The following TGM3 variants were observed in gnomAD, a reference collection of about 807,000 sequenced individuals.
TGM3 encodes the protein transglutaminase 3, also known as protein-glutamine gamma-glutamyltransferase E.
TGM3 carries 52 observed loss-of-function variants against 73.8 expected under a neutral mutation model. The observed-to-expected ratio is 0.70, with a 90% confidence interval of 0.56 to 0.89. The LOEUF is 0.89. Among genes scored for constraint, TGM3 ranks in the 40% least tolerant of loss-of-function variants. TGM3 has a pLI of 0.00. For missense variants in TGM3, 928 were observed against 909.9 expected, an observed-to-expected ratio of 1.02 and a Z score of -0.26; for synonymous variants, 372 against 354.9, an observed-to-expected ratio of 1.05 and a Z score of -0.54.
intron 2 of TGM3, 40 bp downstream of exon 2, chr20:2,309,870 C>A (rs756285055): frequency 3.7e-6 from 6 of 1,611,630 alleles, no homozygotes; most frequent in African/African-American, 1.3e-5. Context: ...CACACACATA[C>A]TTGAGTAGCC....
At chr20:2,315,032 G>C (rs2084225884) in intron 5 of TGM3, among the ~76,000 whole-genome samples, 1 of 152,182 alleles carries the variant, frequency 6.6e-6, no homozygotes, top group Non-Finnish European at 1.5e-5. Context: ...TAGTAGCCGA[G>C]GGAGAGTATG....
chr20:2,312,354 A>G (rs961632850), intron 4 of TGM3, among the ~76,000 whole-genome samples: 11 of 131,654 alleles, frequency 8.4e-5, no homozygotes, highest in South Asian at 2.7e-4. Context: ...CCGAGATCAT[A>G]CCACTGCACT....
intron 4 of TGM3, among the ~76,000 whole-genome samples, chr20:2,312,396 CAA>C (rs57369938): frequency 0.11 from 6,651 of 59,974 alleles, 327 homozygotes; most frequent in African/African-American, 0.38. Flanking sequence ...GACTCCGTCT[CAA>C]AAAAAAAAAA....
At position 2,305,859 on chromosome 20, in the gene TGM3, G is replaced by A. The variant is rs549973460; in HGVS notation, c.8-3798G>A. Among the ~76,000 whole-genome samples, 6 of 152,322 alleles carry A rather than the reference G, an allele frequency of 3.9e-5. No individual in the cohort carries two copies. The South Asian group carries it at 1.2e-3, about 32-fold the overall frequency. ...GACGTCTACAAGTGCCTGCCTTATG[G>A]AGTTAATGAGCTAATGCACGTAAAC... On this transcript the variant is annotated intron_variant, in intron 1 of 12. Transcript: ENST00000381458.
At chr20:2,329,355 G>A (rs1468856198) in intron 9 of TGM3, among the ~76,000 whole-genome samples, 1 of 152,208 alleles carries the variant, frequency 6.6e-6, no homozygotes, top group Non-Finnish European at 1.5e-5. Context: ...TCAAGTCCAA[G>A]TGGGTGCCCC....
intron 9 of TGM3, 84 bp from the exon 10 acceptor site, chr20:2,331,918 G>A: frequency 6.7e-7 from 1 of 1,484,542 alleles, no homozygotes; most frequent in Admixed American, 2.2e-5. Flanking sequence ...ACCAGTCCTA[G>A]GCCGCCTGTC....
chr20:2,306,190 C>T (rs541059825), intron 1 of TGM3, among the ~76,000 whole-genome samples: 2 of 152,184 alleles, frequency 1.3e-5, no homozygotes, highest in African/African-American at 2.4e-5. Flanking sequence ...GAGGCAGGTG[C>T]CAGCAAGAGA....
intron 3 of TGM3, 133 bp from the exon 4 acceptor site, chr20:2,310,878 A>C: frequency 1.4e-6 from 1 of 740,418 alleles, no homozygotes; most frequent in Non-Finnish European, 2.4e-6. Context: ...TTACAGCCCA[A>C]GGGTCAGGGG....
chr20:2,322,193 A>T (rs1458865322), intron 7 of TGM3, among the ~76,000 whole-genome samples: 1 of 152,150 alleles, frequency 6.6e-6, no homozygotes, highest in Non-Finnish European at 1.5e-5. Flanking sequence ...AAAAATAATT[A>T]TAAAAAAATT....
rs2084377201 is a variant in TGM3 at position 2,340,711 on chromosome 20, A to G, written c.*130A>G. 9 of 1,262,056 alleles carry G rather than the reference A, an allele frequency of 7.1e-6. No individual in the cohort carries two copies. The highest frequency in any genetic ancestry group is 9.0e-6 in the Non-Finnish European group (8 of 893,334). 78.2% of individuals were successfully genotyped at this position (1,262,056 alleles called of 1,614,324 possible). A position where few individuals can be genotyped will look rare whatever the true frequency, so the allele number is the denominator to read the frequency against. The stretch of plus-strand genomic sequence containing the variant: ...CATCTCCCAAGGCTGCCAGACATGG[A>G]CCTCCAGGCTCCAGCACATCCCCCT... On this transcript the variant is annotated 3_prime_UTR_variant, in exon 13 of 13. Transcript: ENST00000381458.
chr20:2,299,760 A>G (rs1408264575), intron 1 of TGM3, among the ~76,000 whole-genome samples: 2 of 152,180 alleles, frequency 1.3e-5, no homozygotes, highest in Non-Finnish European at 1.5e-5. Context: ...TAAGGTAGTG[A>G]GGTCTCAGTC....
At chr20:2,316,888 C>T (rs1288163441) in intron 5 of TGM3, among the ~76,000 whole-genome samples, 180 bp from the exon 6 acceptor site, 1 of 152,140 alleles carries the variant, frequency 6.6e-6, no homozygotes, top group African/African-American at 2.4e-5. Flanking sequence ...CACTCCATAC[C>T]CCTAAGGGTT....
chr20:2,336,999 C>T (rs2084354387), intron 11 of TGM3, among the ~76,000 whole-genome samples: 1 of 152,132 alleles, frequency 6.6e-6, no homozygotes, highest in Admixed American at 6.5e-5. Flanking sequence ...AGGCATTTGT[C>T]CCAGCTGGAA....
intron 2 of TGM3, 45 bp downstream of exon 2, chr20:2,309,875 G>C: frequency 6.2e-7 from 1 of 1,609,886 alleles, no homozygotes; most frequent in South Asian, 1.1e-5. Context: ...ACATACTTGA[G>C]TAGCCCTTGT....
At position 2,331,175 on chromosome 20, in the gene TGM3, C is replaced by G. The variant is rs1330705393; in HGVS notation, c.1334-827C>G. 5.3e-5 allele frequency among the ~76,000 whole-genome samples: 8 copies of G among 152,062 alleles called. 1 individual carries two copies. Among genetic ancestry groups the G allele is most frequent in the Admixed American group, 5.2e-4 (8 of 15,262 alleles). On this transcript the variant is annotated intron_variant, in intron 9 of 12. Transcript: ENST00000381458. ...TTGTGTACCTGTGTTCCTGGAAGGT[C>G]AACACCTTCTCCTAGATCTATCTTC... is the stretch of plus-strand genomic sequence containing the variant.
intron 1 of TGM3, 102 bp downstream of exon 1, chr20:2,296,172 C>T: frequency 7.0e-7 from 1 of 1,426,736 alleles, no homozygotes; most frequent in African/African-American, 1.4e-5. Flanking sequence ...AGCTGCCTGC[C>T]TTGGGGGCTC....
At chr20:2,298,443 C>G (rs2084123085) in intron 1 of TGM3, among the ~76,000 whole-genome samples, 1 of 152,220 alleles carries the variant, frequency 6.6e-6, no homozygotes, top group Admixed American at 6.5e-5. Flanking sequence ...GGGTACACAC[C>G]TGAACCACAG....
At chr20:2,315,030 G>A (rs751275725) in intron 5 of TGM3, among the ~76,000 whole-genome samples, 8 of 152,186 alleles carry the variant, frequency 5.3e-5, no homozygotes, top group South Asian at 2.1e-4. Flanking sequence ...CTTAGTAGCC[G>A]AGGGAGAGTA....
At position 2,340,546 on chromosome 20, in the gene TGM3, A is replaced by T. The variant is rs560975159; in HGVS notation, c.2047A>T (p.Ile683Phe). The T allele has an allele frequency of 4.3e-6, 7 of 1,614,160 alleles. No homozygotes were observed. In the South Asian group the frequency reaches 7.7e-5, roughly 18 times the overall value. Residue 683 changes from isoleucine to phenylalanine, a missense_variant, in exon 13 of 13, where the codon ATC (isoleucine) becomes TTC (phenylalanine). Ile to Phe is a conservative substitution (Grantham distance 21, BLOSUM62 0). Transcript: ENST00000381458. ...ADFSCNKFPA[I>F]KAMLSIDVAE ...CTTCTCCTGCAACAAGTTCCCTGCA[A>T]TCAAGGCCATGTTGTCCATCGATGT...
Sources: gnomAD v4.1 joint callset for allele counts (sites outside exome capture counted in the v4.1 genomes callset) on GRCh38, gnomAD v4.1.1 for gene constraint, MANE v1.5 for transcripts, NCBI Gene and HGNC (gene_info 2026-07-23, HGNC 2026-07-21) for gene names.